The following DPP6 variants were observed in gnomAD, a reference collection of about 807,000 sequenced individuals.
DPP6 encodes the protein A-type potassium channel modulatory protein DPP6.
A neutral mutation model predicts 122.6 loss-of-function variants in DPP6; 69 were observed. That is an observed-to-expected ratio of 0.56 (90% CI 0.46 to 0.69). The LOEUF is 0.69. Ranked by LOEUF, DPP6 falls within the 30% of genes least tolerant of loss-of-function variation. The pLI is 0.00. For missense variants in DPP6, 928 were observed against 1,116.9 expected (o/e 0.83, Z 2.41); for synonymous variants, 418 against 433.1 (o/e 0.97, Z 0.43).
At chr7:154,411,250 C>G (rs764446992) in intron 1 of DPP6, among the ~76,000 whole-genome samples, 46 of 152,102 alleles carry the variant, frequency 3.0e-4, no homozygotes, top group Non-Finnish European at 2.2e-4. Flanking sequence ...AAATTATAGT[C>G]AATTTTCTAA....
chr7:154,166,571 A>G (rs1196963306), intron 1 of DPP6, among the ~76,000 whole-genome samples: 1 of 150,062 alleles, frequency 6.7e-6, no homozygotes, highest in Non-Finnish European at 1.5e-5. Flanking sequence ...TCCCTGACCT[A>G]CAGAAGCCAA....
intron 1 of DPP6, among the ~76,000 whole-genome samples, chr7:154,230,005 G>C (rs1036685347): frequency 6.6e-6 from 1 of 152,070 alleles, no homozygotes; most frequent in East Asian, 1.9e-4. Context: ...CTTATAAAAA[G>C]ATTAGAGAAA....
At chr7:154,134,499 G>T (rs1238236150) in intron 1 of DPP6, among the ~76,000 whole-genome samples, 1 of 152,156 alleles carries the variant, frequency 6.6e-6, no homozygotes, top group African/African-American at 2.4e-5. Context: ...CTTCCACATG[G>T]CTGGGCTCCC....
chr7:154,052,993 G>C lies in DPP6; in HGVS notation c.173G>C (p.Gly58Ala). 1 of 1,054,958 alleles carries C rather than the reference G, an allele frequency of 9.5e-7. No homozygotes were observed. The highest frequency in any genetic ancestry group is 1.1e-6 in the Non-Finnish European group (1 of 875,994). The allele number at this position is 1,054,958 out of a possible 1,614,324, so 65.3% of individuals were successfully genotyped here. A position where few individuals can be genotyped will look rare whatever the true frequency, so the allele number is the denominator to read the frequency against. Reference protein sequence around the residue: ...AQAAAPRERGGGGGGAGGRPR... With the variant: ...AQAAAPRERGAGGGGAGGRPR... ...GCGGCGGCGCCCCGGGAGCGCGGCGGCGGCGGCGGCGGCGCGGGTGGCCGG... is the reference window on the plus strand; with the variant it reads ...GCGGCGGCGCCCCGGGAGCGCGGCGCCGGCGGCGGCGGCGCGGGTGGCCGG... Residue 58 changes from glycine (G) to alanine (A), a missense_variant, in exon 1 of 26, where the codon GGC becomes GCC. By Grantham distance (60) the Gly-to-Ala change is moderately conservative. Transcript: ENST00000377770. This position sits in a 1 kb window ranked among gnomAD's most constrained non-coding sequence, Gnocchi z 4.8.
the DPP6 span, among the ~76,000 whole-genome samples, chr7:153,800,447 T>C: frequency 1.3e-5 from 2 of 151,906 alleles, no homozygotes; most frequent in Non-Finnish European, 2.9e-5. Flanking sequence ...TGAAGAGAGG[T>C]TGCTTAATGG....
At chr7:154,753,468 G>C (rs1843499590) in intron 8 of DPP6, among the ~76,000 whole-genome samples, 1 of 152,092 alleles carries the variant, frequency 6.6e-6, no homozygotes, top group Non-Finnish European at 1.5e-5. Context: ...GTGGATTTTT[G>C]AAAGAAAGGA....
chr7:154,451,956 C>G (rs1228740997), intron 2 of DPP6, among the ~76,000 whole-genome samples: 2 of 152,228 alleles, frequency 1.3e-5, no homozygotes, highest in African/African-American at 4.8e-5. Flanking sequence ...TGCATCCACT[C>G]TCCTGCAATA....
chr7:154,284,436 C>G (rs1804718626), intron 1 of DPP6, among the ~76,000 whole-genome samples: 1 of 152,182 alleles, frequency 6.6e-6, no homozygotes, highest in Non-Finnish European at 1.5e-5. Flanking sequence ...GGGGAAACAA[C>G]CCAAGTGTCT....
rs192760792 is a variant in DPP6 at position 154,605,895 on chromosome 7, A to G, written c.628-31926A>G. Among the ~76,000 whole-genome samples, 60 of 120,048 alleles carry G rather than the reference A, an allele frequency of 5.0e-4. 24 individuals carry two copies. In the East Asian group the frequency reaches 0.013, roughly 25 times the overall value. 78.8% of individuals were successfully genotyped at this position (120,048 alleles called of 152,430 possible). A position where few individuals can be genotyped will look rare whatever the true frequency, so the allele number is the denominator to read the frequency against. On this transcript the variant is annotated intron_variant, in intron 5 of 25. Coordinates refer to ENST00000377770, the MANE Select transcript of DPP6 (RefSeq NM_130797.4). ...TGATACGGAGTGTTCATTACATTCA[A>G]TGCTAAATATTTCATATTTTGCATT...
intron 1 of DPP6, among the ~76,000 whole-genome samples, chr7:154,124,504 G>A (rs1253278088): frequency 1.3e-5 from 2 of 152,214 alleles, no homozygotes; most frequent in Non-Finnish European, 2.9e-5. Context: ...AGATGGGAAC[G>A]TGGACAGGGA....
intron 1 of DPP6, among the ~76,000 whole-genome samples, chr7:154,127,648 CACAG>C (rs869126185): frequency 0.012 from 684 of 54,810 alleles, 1 homozygote; most frequent in African/African-American, 0.022. Context: ...CACACACACA[CACAG>C]ACACACACAC....
intron 1 of DPP6, among the ~76,000 whole-genome samples, chr7:154,005,973 A>T (rs567569841): frequency 1.3e-5 from 2 of 152,058 alleles, no homozygotes; most frequent in African/African-American, 4.8e-5. Flanking sequence ...CCTTATCTCA[A>T]TGGGGTCAGG....
the DPP6 span, among the ~76,000 whole-genome samples, chr7:153,861,871 T>C: frequency 3.9e-5 from 6 of 152,182 alleles, no homozygotes; most frequent in African/African-American, 1.4e-4. Flanking sequence ...AAACGGCAAT[T>C]TAGTGGTAGC....
At chr7:154,590,310 T>G (rs1832730267) in intron 5 of DPP6, among the ~76,000 whole-genome samples, 1 of 151,984 alleles carries the variant, frequency 6.6e-6, no homozygotes, top group Non-Finnish European at 1.5e-5. Flanking sequence ...AAATCTATTT[T>G]TTATTATTCA....
chr7:154,230,623 G>A (rs1029147072), intron 1 of DPP6, among the ~76,000 whole-genome samples: 6 of 152,198 alleles, frequency 3.9e-5, no homozygotes, highest in Admixed American at 3.3e-4. Context: ...CCCTGAGTTA[G>A]ATGTAAAGAT....
intron 16 of DPP6, among the ~76,000 whole-genome samples, chr7:154,809,549 C>A (rs775866131): frequency 2.6e-5 from 4 of 152,068 alleles, no homozygotes; most frequent in Non-Finnish European, 5.9e-5. Flanking sequence ...AAATACATGA[C>A]CAGATAAGAA....
chr7:154,082,013 A>C (rs536211100), intron 1 of DPP6, among the ~76,000 whole-genome samples: 1 of 152,282 alleles, frequency 6.6e-6, no homozygotes, highest in Admixed American at 6.5e-5. Context: ...TCAAAACATC[A>C]GAGACTGCCT....
intron 1 of DPP6, among the ~76,000 whole-genome samples, chr7:154,399,068 G>A (rs1050737651): frequency 3.3e-5 from 5 of 152,112 alleles, no homozygotes; most frequent in Admixed American, 2.0e-4. Context: ...TATTTAAAAC[G>A]TCAACCCAGT....
chr7:154,613,176 T>G (rs1265601583), intron 5 of DPP6, among the ~76,000 whole-genome samples: 1 of 152,198 alleles, frequency 6.6e-6, no homozygotes, highest in Non-Finnish European at 1.5e-5. Context: ...GGGGTAAGGT[T>G]TCAACATATG....
Sources: gnomAD v4.1 joint callset for allele counts (sites outside exome capture counted in the v4.1 genomes callset) on GRCh38, gnomAD v4.1.1 for gene constraint, Gnocchi (gnomAD v3.1) non-coding constraint, MANE v1.5 for transcripts, NCBI Gene and HGNC (gene_info 2026-07-23, HGNC 2026-07-21) for gene names.